KDM4B: variants seen among roughly 807,000 people sequenced by gnomAD.
KDM4B encodes the protein lysine demethylase 4B.
In KDM4B, 32 loss-of-function variants were observed where a neutral mutation model predicts 125.2. That is an observed-to-expected ratio of 0.26 (90% CI 0.19 to 0.34). KDM4B has a LOEUF of 0.34. Among genes scored for constraint, KDM4B ranks in the 10% least tolerant of loss-of-function variants. The pLI, the probability that KDM4B is intolerant of heterozygous loss-of-function variation, is 1.00. For missense variants in KDM4B, 1,190 were observed against 1,577.7 expected (o/e 0.75, Z 4.16); for synonymous variants, 721 against 677.9 (o/e 1.06, Z -0.99).
At chr19:5,011,144 C>T (rs1002187704) in intron 1 of KDM4B, among the ~76,000 whole-genome samples, 1 of 152,162 alleles carries the variant, frequency 6.6e-6, no homozygotes, top group East Asian at 1.9e-4. Context: ...TCCTGCAGGG[C>T]GATCTGGGCT....
chr19:5,110,501 C>T, intron 9 of KDM4B, 121 bp from the exon 10 acceptor site: 1 of 878,356 alleles, frequency 1.1e-6, no homozygotes, highest in South Asian at 1.4e-5. Context: ...AAGCGGAATG[C>T]TCAGCGGTGG....
At chr19:5,025,166 C>G (rs2145580598) in intron 2 of KDM4B, among the ~76,000 whole-genome samples, 1 of 152,270 alleles carries the variant, frequency 6.6e-6, no homozygotes, top group African/African-American at 2.4e-5. Flanking sequence ...AGGCCCAAGC[C>G]TGTCTTGAGC....
intron 6 of KDM4B, among the ~76,000 whole-genome samples, chr19:5,048,742 G>A (rs2145713108): frequency 6.6e-6 from 1 of 152,368 alleles, no homozygotes; most frequent in South Asian, 2.1e-4. Flanking sequence ...GACCCCGTGT[G>A]ACTTGGGGCA....
intron 6 of KDM4B, among the ~76,000 whole-genome samples, chr19:5,060,637 A>G (rs2037564737): frequency 1.3e-5 from 2 of 151,962 alleles, no homozygotes; most frequent in South Asian, 4.1e-4. Context: ...GGGTCCAGGC[A>G]TGGTGGGGGC....
intron 7 of KDM4B, chr19:5,076,664 T>C (rs111980574): frequency 2.8e-4 from 33 of 117,372 alleles, no homozygotes; most frequent in Middle Eastern, 4.5e-3. Context: ...GAATGAGTGA[T>C]GAGAGCGGCC....
At position 5,034,517 on chromosome 19, in the gene KDM4B, C is replaced by T. The variant is rs561332622; in HGVS notation, c.141+1486C>T. Among the ~76,000 whole-genome samples, 9 of 152,294 alleles carry T rather than the reference C, an allele frequency of 5.9e-5. No homozygotes were observed. In the South Asian group the frequency reaches 1.7e-3, roughly 28 times the overall value. On this transcript the variant is annotated intron_variant, in intron 3 of 22. Coordinates refer to ENST00000159111, the MANE Select transcript of KDM4B (RefSeq NM_015015.3). ...CACGTCTTCTGCTTTTTTCTTTTCCCCCAACCACTTAAAAATGAAAACAAA... is the reference window on the plus strand; with the variant it reads ...CACGTCTTCTGCTTTTTTCTTTTCCTCCAACCACTTAAAAATGAAAACAAA...
intron 1 of KDM4B, among the ~76,000 whole-genome samples, chr19:5,006,204 C>T (rs558152395): frequency 3.7e-4 from 56 of 152,014 alleles, no homozygotes; most frequent in Non-Finnish European, 7.1e-4. Flanking sequence ...CTCTCCCTGT[C>T]CCCGTCTGTC....
At chr19:5,006,319 C>A (rs769810105) in intron 1 of KDM4B, among the ~76,000 whole-genome samples, 3 of 152,158 alleles carry the variant, frequency 2.0e-5, no homozygotes, top group Non-Finnish European at 4.4e-5. Flanking sequence ...CCTGCTGTTT[C>A]CCCGCAGCCC....
chr19:4,994,261 C>T (rs2035127253), intron 1 of KDM4B, among the ~76,000 whole-genome samples: 2 of 150,158 alleles, frequency 1.3e-5, no homozygotes, highest in South Asian at 4.4e-4. Flanking sequence ...TCAGCCTGTT[C>T]GTATCTTTGA....
Position 5,138,311 on chromosome 19 carries a change from G to T in KDM4B, c.2550+241G>T, listed in dbSNP as rs144076389. 308 of 541,532 alleles carry T rather than the reference G, an allele frequency of 5.7e-4. 1 individual carries two copies. The highest frequency in any genetic ancestry group is 5.2e-3 in the African/African-American group (276 of 52,686). The allele number at this position is 541,532 out of a possible 1,614,324, so 33.5% of individuals were successfully genotyped here. A position where few individuals can be genotyped will look rare whatever the true frequency, so the allele number is the denominator to read the frequency against. ...CATCAAGGGTGGCAGAGATAAGCAG[G>T]CCCCGTCAGGTGTGGCCTTGGGGGC... is the stretch of plus-strand genomic sequence containing the variant. On this transcript the variant is annotated intron_variant, in intron 18 of 22. Coordinates refer to ENST00000159111, the MANE Select transcript of KDM4B (RefSeq NM_015015.3).
At chr19:4,999,814 C>T (rs1369864280) in intron 1 of KDM4B, among the ~76,000 whole-genome samples, 1 of 143,404 alleles carries the variant, frequency 7.0e-6, no homozygotes, top group Non-Finnish European at 1.5e-5. Context: ...TCCATCTATC[C>T]ACCCGTCCAC....
intron 10 of KDM4B, chr19:5,111,476 C>T (rs944824588): frequency 1.3e-6 from 1 of 765,298 alleles, no homozygotes; most frequent in South Asian, 1.3e-5. Flanking sequence ...CTTCTGACCA[C>T]AAGAGGCCAT....
At position 5,151,496 on chromosome 19, in the gene KDM4B, C is replaced by T. The variant is rs780561907; in HGVS notation, c.3276C>T (p.Pro1092=). 9.7e-6 allele frequency: 14 copies of T among 1,443,356 alleles called. No homozygotes were observed. Among genetic ancestry groups the T allele is most frequent in the South Asian group, 8.1e-5 (6 of 74,498 alleles). The allele number at this position is 1,443,356 out of a possible 1,614,324, so 89.4% of individuals were successfully genotyped here. The change falls in exon 23 of 23, where the codon CCC becomes CCT. Residue 1092 remains proline, a synonymous_variant. Transcript: ENST00000159111. The part of the protein sequence containing the change: ...VESLLQVQGR[P]GAPF ...GCCTCCTGCAGGTGCAGGGCCGGCC[C>T]GGAGCCCCCTTCTAGGACAGCTGGC...
At chr19:5,101,798 G>T (rs1470127646) in intron 9 of KDM4B, among the ~76,000 whole-genome samples, 1 of 152,172 alleles carries the variant, frequency 6.6e-6, no homozygotes, top group Non-Finnish European at 1.5e-5. Context: ...GGGCTGTTAT[G>T]GGGGAGCCCA....
intron 2 of KDM4B, 132 bp from the exon 3 acceptor site, chr19:5,032,734 G>T (rs996239454): frequency 3.9e-6 from 3 of 773,594 alleles, no homozygotes; most frequent in South Asian, 1.9e-5. Context: ...TCACTCAGCC[G>T]CGAGGGCCCA....
intron 8 of KDM4B, among the ~76,000 whole-genome samples, chr19:5,080,161 A>G (rs1404678969): frequency 1.3e-5 from 2 of 152,226 alleles, no homozygotes; most frequent in Non-Finnish European, 2.9e-5. Context: ...TGATTGGTGC[A>G]ATTAATTATT....
At chr19:5,127,108 C>G (rs929040708) in intron 11 of KDM4B, among the ~76,000 whole-genome samples, 1 of 152,140 alleles carries the variant, frequency 6.6e-6, no homozygotes, top group Non-Finnish European at 1.5e-5. Flanking sequence ...TTCCCTCCAC[C>G]CAAAAAGAGT....
In KDM4B at chr19:5,135,515, C is replaced by T. The variant is rs753263372; in HGVS notation, c.2262C>T (p.Thr754=). The T allele has an allele frequency of 6.2e-6, 10 of 1,610,492 alleles. No individual in the cohort carries two copies. The highest frequency in any genetic ancestry group is 1.3e-5 in the African/African-American group (1 of 74,884). Residue 754 remains threonine, a synonymous_variant, in exon 15 of 23, where the codon ACC becomes ACT. Transcript: ENST00000159111. ...PANSYIGDDG[T]SPLIACGKCC... The stretch of plus-strand genomic sequence containing the variant: ...ACTCCTACATCGGCGACGACGGGAC[C>T]AGCCCCCTGATCGCCTGCGGCAAGT...
intron 21 of KDM4B, among the ~76,000 whole-genome samples, chr19:5,147,250 C>T (rs1237459797): frequency 2.0e-5 from 3 of 152,206 alleles, no homozygotes; most frequent in Admixed American, 6.5e-5. Context: ...ATAACGTACA[C>T]AGAGCACAAC....
Sources: allele counts gnomAD v4.1 joint callset (sites outside exome capture counted in the v4.1 genomes callset), GRCh38; gene constraint gnomAD v4.1.1; transcripts MANE v1.5; gene names NCBI Gene and HGNC (gene_info 2026-07-23, HGNC 2026-07-21).